RAD9B: variants seen among roughly 807,000 people sequenced by gnomAD.
The protein encoded by RAD9B is cell cycle checkpoint control protein RAD9B.
Under a neutral mutation model 48.3 loss-of-function variants are expected in RAD9B, and 41 were observed. The observed-to-expected ratio is 0.85, with a 90% CI of 0.66 to 1.10. RAD9B has a LOEUF of 1.10. RAD9B is among the 50% of genes least tolerant of loss of function. The pLI, the probability that RAD9B is intolerant of heterozygous loss-of-function variation, is 0.00. For synonymous variants in RAD9B, 160 were observed against 157.9 expected, an observed-to-expected ratio of 1.01 and a Z score of -0.10; for missense variants, 444 against 485.1, an observed-to-expected ratio of 0.92 and a Z score of 0.80.
intron 9 of RAD9B, among the ~76,000 whole-genome samples, chr12:110,520,490 G>A (rs2063740977): frequency 1.3e-5 from 2 of 151,696 alleles, no homozygotes; most frequent in Non-Finnish European, 2.9e-5. Flanking sequence ...GGGATTACAG[G>A]TGTGAGTCAC....
At position 110,522,348 on chromosome 12, in the gene RAD9B, T is replaced by A; in HGVS notation, c.1062T>A (p.Ser354Arg). ...PAMKRVDGDV[S>R]EVSESSVSNT... ...TGAAAAGAGTGGATGGAGATGTCAGTGAAGTATCAGAAAGCAGTGTCAGCA... is the reference window on the plus strand; with the variant it reads ...TGAAAAGAGTGGATGGAGATGTCAGAGAAGTATCAGAAAGCAGTGTCAGCA... The change falls in exon 10 of 11, where the codon AGT becomes AGA. Residue 354 changes from serine to arginine, a missense_variant. By Grantham distance (110) the Ser-to-Arg change is moderately radical. Coordinates refer to ENST00000409300, the MANE Select transcript of RAD9B (RefSeq NM_001286535.2). The A allele has an allele frequency of 6.2e-7, 1 of 1,613,628 alleles. No homozygotes were observed. The highest frequency in any genetic ancestry group is 8.5e-7 in the Non-Finnish European group (1 of 1,179,780).
In RAD9B at chr12:110,519,776, C is replaced by G. The variant is rs780716990; in HGVS notation, c.768-18C>G. 9.8e-5 allele frequency: 157 copies of G among 1,595,474 alleles called. No homozygotes were observed. The highest frequency in any genetic ancestry group is 1.3e-4 in the Non-Finnish European group (150 of 1,173,868). The stretch of plus-strand genomic sequence containing the variant: ...TCAGAAAATGAGTGTCACTGTTGCT[C>G]TGACTTGGCTTTTTTAGACCTCTGG... On this transcript the variant is annotated intron_variant, in intron 8 of 10. Coordinates refer to ENST00000409300, the MANE Select transcript of RAD9B (RefSeq NM_001286535.2).
chr12:110,508,196 T>C (rs1420848488), intron 4 of RAD9B: 1 of 169,300 alleles, frequency 5.9e-6, no homozygotes, highest in Admixed American at 6.5e-5. Context: ...GCATAAGCTC[T>C]CTGAATCTTC....
chr12:110,523,977 C>G lies in RAD9B; in HGVS notation c.1125+1566C>G, dbSNP rs2063859430. Among the ~76,000 whole-genome samples, 3 of 152,170 alleles carry G rather than the reference C, an allele frequency of 2.0e-5. No individual in the cohort carries two copies. The South Asian group carries it at 6.2e-4, about 32-fold the overall frequency. On this transcript the variant is annotated intron_variant, in intron 10 of 10. Transcript: ENST00000409300. The stretch of plus-strand genomic sequence containing the variant: ...GAAATTCCATGGGCTTCCTGCCATC[C>G]TCTGTGCCTCTGTTCTCCTTCACCC...
At chr12:110,503,562 CAT>C (rs974113834) in intron 1 of RAD9B, 1 of 477,608 alleles carries the variant, frequency 2.1e-6, no homozygotes, top group Non-Finnish European at 3.7e-6. Context: ...ACACTGTAAA[CAT>C]ATAGAAGGAC....
At chr12:110,514,698 C>T (rs2063558682) in intron 5 of RAD9B, among the ~76,000 whole-genome samples, 1 of 152,182 alleles carries the variant, frequency 6.6e-6, no homozygotes, top group Non-Finnish European at 1.5e-5. Flanking sequence ...AACAGCTTCA[C>T]TTTCCAGTAT....
intron 8 of RAD9B, 115 bp from the exon 9 acceptor site, chr12:110,519,679 A>AC: frequency 8.6e-7 from 1 of 1,160,148 alleles, no homozygotes; most frequent in South Asian, 1.7e-5. Context: ...CAGATGATCC[A>AC]CCCGCCTTGG....
chr12:110,524,333 C>G (rs866713384), intron 10 of RAD9B, among the ~76,000 whole-genome samples: 1 of 151,190 alleles, frequency 6.6e-6, no homozygotes, highest in Non-Finnish European at 1.5e-5. Context: ...GAGGCAGAGG[C>G]GGGCAGATCA....
At chr12:110,528,196 T>C (rs544933920) in intron 10 of RAD9B, among the ~76,000 whole-genome samples, 37 of 152,118 alleles carry the variant, frequency 2.4e-4, no homozygotes, top group Non-Finnish European at 5.1e-4. Flanking sequence ...AGTGAGGCAA[T>C]AGTCACCCAA....
rs1440012954 is a variant in RAD9B at position 110,530,914 on chromosome 12, CTTCAA to C, written c.*268_*272del. 11 of 1,193,454 alleles carry C rather than the reference CTTCAA, an allele frequency of 9.2e-6. No individual in the cohort carries two copies. In the South Asian group the frequency reaches 1.9e-4, roughly 20 times the overall value. 73.9% of individuals were successfully genotyped at this position (1,193,454 alleles called of 1,614,324 possible). Reference sequence around the variant, plus strand: ...TGAAGGAAAAAAGCCCATTAGAGTTCTTCAATTCAATGCACGTTCACCCTAGAGCT... The same window carrying C: ...TGAAGGAAAAAAGCCCATTAGAGTTCTTCAATGCACGTTCACCCTAGAGCT... On this transcript the variant is annotated 3_prime_UTR_variant, in exon 11 of 11. Transcript: ENST00000409300.
chr12:110,508,253 G>A (rs555977812), intron 4 of RAD9B: 2 of 169,180 alleles, frequency 1.2e-5, no homozygotes, highest in African/African-American at 4.8e-5. Context: ...CACAAGTTAC[G>A]GGGTGATTGT....
At chr12:110,511,975 T>TA (rs1309441999) in intron 4 of RAD9B, among the ~76,000 whole-genome samples, 3 of 151,732 alleles carry the variant, frequency 2.0e-5, no homozygotes, top group Admixed American at 6.6e-5. Flanking sequence ...GCCTCCCAAG[T>TA]AGCTGGGATT....
At chr12:110,502,518 C>T in intron 1 of RAD9B, 135 bp downstream of exon 1, 1 of 981,728 alleles carries the variant, frequency 1.0e-6, no homozygotes. Context: ...GCCACAGCCC[C>T]ACCCACTCAA....
At chr12:110,506,467 C>T (rs1453452101) in intron 3 of RAD9B, 112 bp from the exon 4 acceptor site, 8 of 615,366 alleles carry the variant, frequency 1.3e-5, no homozygotes, top group South Asian at 3.1e-5. Flanking sequence ...GGATTACAGG[C>T]GTGAGCCACC....
Position 110,530,894 on chromosome 12 carries a change from GA to G in RAD9B, c.*247del, listed in dbSNP as rs2064119190. The stretch of plus-strand genomic sequence containing the variant: ...TGAGGCAGAAGAGTTTTCTGTGAAG[GA>G]AAAAAGCCCATTAGAGTTCTTCAAT... On this transcript the variant is annotated 3_prime_UTR_variant, in exon 11 of 11. Transcript: ENST00000409300. The G allele has an allele frequency of 8.1e-7, 1 of 1,235,562 alleles. No individual in the cohort carries two copies. The highest frequency in any genetic ancestry group is 1.5e-5 in the African/African-American group (1 of 66,214). 76.5% of individuals were successfully genotyped at this position (1,235,562 alleles called of 1,614,324 possible). A position where few individuals can be genotyped will look rare whatever the true frequency, so the allele number is the denominator to read the frequency against.
chr12:110,526,511 C>T (rs553859309), intron 10 of RAD9B, among the ~76,000 whole-genome samples: 2 of 152,292 alleles, frequency 1.3e-5, no homozygotes, highest in East Asian at 1.9e-4. Context: ...GCTATTTGCA[C>T]GTGATGATAT....
chr12:110,514,824 A>G (rs1451853267), intron 5 of RAD9B, among the ~76,000 whole-genome samples: 1 of 152,204 alleles, frequency 6.6e-6, no homozygotes, highest in Non-Finnish European at 1.5e-5. Context: ...TTTACTAAGG[A>G]TATATTTTGC....
intron 8 of RAD9B, among the ~76,000 whole-genome samples, chr12:110,519,399 C>T (rs373080416): frequency 2.7e-5 from 4 of 150,186 alleles, no homozygotes; most frequent in South Asian, 2.1e-4. Flanking sequence ...CCATAGCACC[C>T]GGCCTACTGT....
chr12:110,509,300 T>G (rs1016451573), intron 4 of RAD9B, among the ~76,000 whole-genome samples: 2 of 150,378 alleles, frequency 1.3e-5, no homozygotes, highest in African/African-American at 2.4e-5. Flanking sequence ...GAGATGGGGT[T>G]TCACCATGTT....
Sources: gnomAD v4.1 joint callset for allele counts (sites outside exome capture counted in the v4.1 genomes callset) on GRCh38, gnomAD v4.1.1 for gene constraint, MANE v1.5 for transcripts, NCBI Gene and HGNC (gene_info 2026-07-23, HGNC 2026-07-21) for gene names.